SCAI: variants seen among roughly 807,000 people sequenced by gnomAD.
SCAI encodes the protein protein SCAI.
A neutral mutation model predicts 92.2 loss-of-function variants in SCAI; 24 were observed. The ratio of observed to expected loss-of-function variants is 0.26; its 90% CI spans 0.19 to 0.37. SCAI has a LOEUF of 0.37. Among genes scored for constraint, SCAI ranks in the 10% least tolerant of loss-of-function variants. SCAI has a pLI of 1.00. For missense variants in SCAI, 450 were observed against 736.2 expected (o/e 0.61, Z 4.50); for synonymous variants, 261 against 258.6 (o/e 1.01, Z -0.09).
intron 3 of SCAI, among the ~76,000 whole-genome samples, chr9:125,043,276 C>T (rs192502321): frequency 7.5e-4 from 114 of 152,218 alleles, no homozygotes; most frequent in Middle Eastern, 3.4e-3. Flanking sequence ...GCACACTGTC[C>T]GACTCACATA....
intron 2 of SCAI, among the ~76,000 whole-genome samples, chr9:125,102,453 C>G (rs1003018735): frequency 2.0e-5 from 3 of 152,114 alleles, no homozygotes; most frequent in African/African-American, 7.2e-5. Flanking sequence ...AGCTGCTCCT[C>G]CAGCCACCAC....
chr9:124,951,835 A>C lies in SCAI; in HGVS notation c.*972T>G, dbSNP rs1831239826. ...AAAATACTAAATACAGGGAATGTTAATAAATCTTATTTCCAAATTACCAAT... is the reference window on the plus strand; with the variant it reads ...AAAATACTAAATACAGGGAATGTTACTAAATCTTATTTCCAAATTACCAAT... On this transcript the variant is annotated 3_prime_UTR_variant, in exon 18 of 18. Transcript: ENST00000336505. 6.6e-6 allele frequency: 1 copy of C among 152,248 alleles called. No homozygotes were observed. The highest frequency in any genetic ancestry group is 1.5e-5 in the Non-Finnish European group (1 of 68,042). 9.4% of individuals were successfully genotyped at this position (152,248 alleles called of 1,614,324 possible).
At chr9:124,982,669 G>C (rs1160519217) in intron 14 of SCAI, among the ~76,000 whole-genome samples, 1 of 129,206 alleles carries the variant, frequency 7.7e-6, no homozygotes, top group African/African-American at 3.0e-5. Flanking sequence ...AACAGAGTGC[G>C]ACTCTGTCTC....
chr9:125,081,153 A>T (rs1834206872), intron 2 of SCAI, among the ~76,000 whole-genome samples: 1 of 152,200 alleles, frequency 6.6e-6, no homozygotes, highest in Non-Finnish European at 1.5e-5. Flanking sequence ...GTGAAAATGG[A>T]ATAATACAGT....
At chr9:124,999,136 C>T (rs1007169209) in intron 13 of SCAI, among the ~76,000 whole-genome samples, 35 of 151,776 alleles carry the variant, frequency 2.3e-4, no homozygotes, top group African/African-American at 8.2e-4. Context: ...CACCTGTAAT[C>T]CCAACACTTT....
chr9:125,106,098 A>C (rs559701186), intron 2 of SCAI, among the ~76,000 whole-genome samples: 292 of 23,426 alleles, frequency 0.012, 11 homozygotes, highest in Middle Eastern at 0.042. Context: ...CTCCATCTCA[A>C]AAAAAAAAAA....
intron 2 of SCAI, among the ~76,000 whole-genome samples, chr9:125,125,949 C>T (rs1445380365): frequency 1.4e-5 from 2 of 142,590 alleles, no homozygotes; most frequent in Non-Finnish European, 3.1e-5. Context: ...CACACACACA[C>T]ATTCTCTCTC....
chr9:125,022,708 G>A (rs898451819), intron 6 of SCAI, among the ~76,000 whole-genome samples: 12 of 152,076 alleles, frequency 7.9e-5, no homozygotes, highest in African/African-American at 1.9e-4. Context: ...GTGAGTCACC[G>A]CTCTTGGCCT....
intron 3 of SCAI, among the ~76,000 whole-genome samples, chr9:125,042,634 T>TGTGTGTGTGTGTACCC: frequency 1.0e-5 from 1 of 96,216 alleles, no homozygotes; most frequent in East Asian, 3.4e-4. Context: ...TGTGTGTGTG[T>TGTGTGTGTGTGTACCC]ACACACACAC....
intron 3 of SCAI, among the ~76,000 whole-genome samples, chr9:125,049,093 C>T (rs1186921285): frequency 6.6e-6 from 1 of 152,028 alleles, no homozygotes; most frequent in African/African-American, 2.4e-5. Context: ...TCATTTAAGA[C>T]TAGTACACTT....
At chr9:125,108,093 C>A (rs1016506724) in intron 2 of SCAI, among the ~76,000 whole-genome samples, 5 of 152,234 alleles carry the variant, frequency 3.3e-5, no homozygotes, top group Non-Finnish European at 7.3e-5. Context: ...CTGGGCCTCC[C>A]GAGGTGCCGG....
chr9:124,976,074 T>A lies in SCAI; in HGVS notation c.1399+40A>T, dbSNP rs769314096. ...CTATTCATAATATAGATAGTGTTTATTTGCAACCTATGGCTATACCAGGCA... is the reference window on the plus strand; with the variant it reads ...CTATTCATAATATAGATAGTGTTTAATTGCAACCTATGGCTATACCAGGCA... On this transcript the variant is annotated intron_variant, in intron 15 of 17. Coordinates refer to ENST00000336505, the MANE Select transcript of SCAI (RefSeq NM_001144877.3). 49 of 1,294,062 alleles carry A rather than the reference T, an allele frequency of 3.8e-5. No homozygotes were observed. The Admixed American group carries it at 8.3e-4, about 22-fold the overall frequency. 80.2% of individuals were successfully genotyped at this position (1,294,062 alleles called of 1,614,324 possible). A position where few individuals can be genotyped will look rare whatever the true frequency, so the allele number is the denominator to read the frequency against.
chr9:125,024,336 C>T (rs569125161), intron 6 of SCAI, among the ~76,000 whole-genome samples: 10 of 148,352 alleles, frequency 6.7e-5, no homozygotes, highest in African/African-American at 2.2e-4. Flanking sequence ...AGTGCAGTGG[C>T]GCCATCTTGG....
At chr9:125,139,703 T>G (rs1453627175) in intron 2 of SCAI, among the ~76,000 whole-genome samples, 1 of 152,114 alleles carries the variant, frequency 6.6e-6, no homozygotes, top group East Asian at 1.9e-4. Context: ...CAATAAGCAA[T>G]GAGGAAGCAC....
At chr9:125,141,239 TG>T (rs567846487) in intron 2 of SCAI, among the ~76,000 whole-genome samples, 79 of 152,324 alleles carry the variant, frequency 5.2e-4, no homozygotes, top group African/African-American at 1.9e-3. Flanking sequence ...GTTACTGGAT[TG>T]GACAGTACAG....
At chr9:125,060,459 T>TA (rs1336865235) in intron 2 of SCAI, among the ~76,000 whole-genome samples, 1 of 152,188 alleles carries the variant, frequency 6.6e-6, no homozygotes, top group South Asian at 2.1e-4. Flanking sequence ...TCTGAATATA[T>TA]AACCAAAAAG....
chr9:125,087,993 T>G (rs1256424939), intron 2 of SCAI, among the ~76,000 whole-genome samples: 1 of 152,232 alleles, frequency 6.6e-6, no homozygotes, highest in Non-Finnish European at 1.5e-5. Flanking sequence ...AGTTAGGTGA[T>G]GAGAATGTGG....
intron 2 of SCAI, among the ~76,000 whole-genome samples, chr9:125,067,769 A>G (rs1290767413): frequency 1.3e-5 from 2 of 152,246 alleles, no homozygotes; most frequent in Non-Finnish European, 2.9e-5. Flanking sequence ...ACTAATACAT[A>G]GATACATAAT....
chr9:124,988,921 C>T (rs1388121599), intron 14 of SCAI, among the ~76,000 whole-genome samples: 4 of 152,048 alleles, frequency 2.6e-5, no homozygotes, highest in East Asian at 3.9e-4. Context: ...GGGTGGATCA[C>T]GAGGTCAGGA....
Sources: allele counts gnomAD v4.1 joint callset (sites outside exome capture counted in the v4.1 genomes callset), GRCh38; gene constraint gnomAD v4.1.1; transcripts MANE v1.5; gene names NCBI Gene and HGNC (gene_info 2026-07-23, HGNC 2026-07-21).